The following INPP5B variants were observed in gnomAD, a reference collection of about 807,000 sequenced individuals.
INPP5B encodes inositol polyphosphate-5-phosphatase B, also known as type II inositol 1,4,5-trisphosphate 5-phosphatase.
INPP5B carries 90 observed loss-of-function variants against 118.5 expected under a neutral mutation model. The ratio of observed to expected loss-of-function variants is 0.76; its 90% CI spans 0.64 to 0.90. The LOEUF is 0.90. INPP5B is among the 40% of genes least tolerant of loss of function. The probability of loss-of-function intolerance (pLI) is 0.00; values close to 1 mark genes in which losing one functional copy is unlikely to be tolerated. For missense variants in INPP5B, 984 were observed against 1,125.6 expected (o/e 0.87, Z 1.80); for synonymous variants, 385 against 418.9 (o/e 0.92, Z 0.99).
At chr1:37,874,563 C>T (rs934223326) in intron 17 of INPP5B, among the ~76,000 whole-genome samples, 14 of 152,124 alleles carry the variant, frequency 9.2e-5, no homozygotes, top group African/African-American at 2.7e-4. Context: ...TTTGGGAGGC[C>T]GAGACGGGCA....
At chr1:37,889,276 C>A (rs755615314) in intron 9 of INPP5B, among the ~76,000 whole-genome samples, 2 of 152,012 alleles carry the variant, frequency 1.3e-5, no homozygotes, top group Non-Finnish European at 2.9e-5. Context: ...ATCAGGATGG[C>A]GCTCCTTCTT....
In INPP5B at chr1:37,872,960, C is replaced by G; in HGVS notation, c.2157G>C (p.Leu719Phe). The G allele has an allele frequency of 6.2e-7, 1 of 1,614,064 alleles. No individual in the cohort carries two copies. The highest frequency in any genetic ancestry group is 8.5e-7 in the Non-Finnish European group (1 of 1,179,994). ...HTLCYMREPI[L>F]DLPLETISEL... ...CACTAATGGTTTCAAGTGGTAGGTC[C>G]AAGATTGGCTCTCTCATGTAACACA... Residue 719 changes from leucine to phenylalanine, a missense_variant, in exon 19 of 24, where the codon TTG becomes TTC. Leu to Phe is a conservative substitution (Grantham distance 22, BLOSUM62 0). Transcript: ENST00000373024.
At chr1:37,880,657 C>T (rs1186629769) in intron 14 of INPP5B, among the ~76,000 whole-genome samples, 1 of 151,970 alleles carries the variant, frequency 6.6e-6, no homozygotes, top group East Asian at 1.9e-4. Flanking sequence ...AGGCTGGTCT[C>T]GAACTCCTGA....
chr1:37,883,128 A>C (rs931561220), intron 13 of INPP5B: 2 of 985,330 alleles, frequency 2.0e-6, no homozygotes, highest in Non-Finnish European at 2.4e-6. Context: ...AGTTCATTAT[A>C]AACAGCCTTG....
Position 37,891,255 on chromosome 1 carries a change from G to C in INPP5B, c.629+103C>G, listed in dbSNP as rs573750947. ...AAAAAAAAAAAAAGGACACTTCCTAGGCCAGCTACCCTGGGACAACTTACA... is the reference window on the plus strand; with the variant it reads ...AAAAAAAAAAAAAGGACACTTCCTACGCCAGCTACCCTGGGACAACTTACA... On this transcript the variant is annotated intron_variant, in intron 8 of 23. Coordinates refer to ENST00000373024, the MANE Select transcript of INPP5B (RefSeq NM_005540.3). 1.3e-4 allele frequency: 96 copies of C among 713,896 alleles called. No homozygotes were observed. The African/African-American group carries it at 1.6e-3, about 12-fold the overall frequency. 44.2% of individuals were successfully genotyped at this position (713,896 alleles called of 1,614,324 possible). A position where few individuals can be genotyped will look rare whatever the true frequency, so the allele number is the denominator to read the frequency against.
At chr1:37,917,459 G>T (rs1644914610) in intron 7 of INPP5B, among the ~76,000 whole-genome samples, 1 of 150,788 alleles carries the variant, frequency 6.6e-6, no homozygotes, top group African/African-American at 2.4e-5. Flanking sequence ...GAGTAGCTGG[G>T]ATTACAGGCA....
chr1:37,891,316 C>A (rs942684692), intron 8 of INPP5B, 42 bp downstream of exon 8: 1 of 1,440,864 alleles, frequency 6.9e-7, no homozygotes, highest in Non-Finnish European at 9.8e-7. Context: ...GTGAGGAGAA[C>A]CTCAGTCCTA....
chr1:37,883,466 G>A, intron 13 of INPP5B: 2 of 985,430 alleles, frequency 2.0e-6, no homozygotes, highest in Non-Finnish European at 2.4e-6. Context: ...TGTAGAAGGT[G>A]TTTGATTCCT....
chr1:37,867,938 C>T lies in INPP5B; in HGVS notation c.2301+563G>A, dbSNP rs75719767. ...GAGAGGCCTCCAGGCAGCTTTCTGG[C>T]AGGGGGACCCCAGAGGCCATGGGAA... On this transcript the variant is annotated intron_variant, in intron 20 of 23. Transcript: ENST00000373024. 5.4e-3 allele frequency among the ~76,000 whole-genome samples: 827 copies of T among 152,260 alleles called. 5 individuals carry two copies. Among genetic ancestry groups the T allele is most frequent in the African/African-American group, 0.019 (800 of 41,548 alleles).
chr1:37,881,680 G>A (rs756589753), intron 14 of INPP5B, among the ~76,000 whole-genome samples: 79 of 152,324 alleles, frequency 5.2e-4, no homozygotes, highest in Non-Finnish European at 9.4e-4. Flanking sequence ...AAGAAGGCAA[G>A]TAGAGATGGG....
chr1:37,896,408 T>C (rs1331428162), intron 7 of INPP5B, among the ~76,000 whole-genome samples: 1 of 149,636 alleles, frequency 6.7e-6, no homozygotes, highest in Admixed American at 6.6e-5. Flanking sequence ...AGCCACCTCG[T>C]CCGGGAGGGA....
chr1:37,889,089 C>A (rs1010058446), intron 9 of INPP5B, among the ~76,000 whole-genome samples: 2 of 152,060 alleles, frequency 1.3e-5, no homozygotes, highest in Non-Finnish European at 2.9e-5. Context: ...CCTGTCTCTA[C>A]AAAAATTTAA....
At chr1:37,866,326 T>C in intron 21 of INPP5B, 133 bp downstream of exon 21, 1 of 601,220 alleles carries the variant, frequency 1.7e-6, no homozygotes, top group Non-Finnish European at 3.0e-6. Context: ...TAGCTGAGGA[T>C]ACAATATCAG....
At chr1:37,909,915 G>C (rs960343183) in intron 7 of INPP5B, among the ~76,000 whole-genome samples, 1 of 152,168 alleles carries the variant, frequency 6.6e-6, no homozygotes, top group Non-Finnish European at 1.5e-5. Context: ...GCCTCCCCAG[G>C]ATCTTGCTTC....
At chr1:37,934,376 G>A (rs1645608485) in intron 6 of INPP5B, among the ~76,000 whole-genome samples, 1 of 152,074 alleles carries the variant, frequency 6.6e-6, no homozygotes. Context: ...CATTGTCTCG[G>A]TATCTAGAAA....
intron 7 of INPP5B, among the ~76,000 whole-genome samples, chr1:37,922,266 G>A (rs1405065460): frequency 6.6e-6 from 1 of 152,062 alleles, no homozygotes; most frequent in Non-Finnish European, 1.5e-5. Flanking sequence ...GCACATGTCT[G>A]TAGTCCCAGC....
At chr1:37,863,962 G>A (rs1311747864) in intron 23 of INPP5B, among the ~76,000 whole-genome samples, 1 of 151,628 alleles carries the variant, frequency 6.6e-6, no homozygotes, top group Middle Eastern at 3.4e-3. Flanking sequence ...TTACAGGCAT[G>A]CACCACCACA....
chr1:37,941,773 C>G (rs1394253641), intron 5 of INPP5B, among the ~76,000 whole-genome samples: 1 of 141,960 alleles, frequency 7.0e-6, no homozygotes, highest in Non-Finnish European at 1.5e-5. Flanking sequence ...CCCGTCTCTA[C>G]TAAAAATACA....
intron 16 of INPP5B, among the ~76,000 whole-genome samples, chr1:37,877,132 C>T (rs1250161264): frequency 1.3e-5 from 2 of 151,322 alleles, no homozygotes; most frequent in African/African-American, 4.9e-5. Context: ...TTTGGGAGGC[C>T]GAGTCAGGTG....
Sources: gnomAD v4.1 joint callset for allele counts (sites outside exome capture counted in the v4.1 genomes callset) on GRCh38, gnomAD v4.1.1 for gene constraint, MANE v1.5 for transcripts, NCBI Gene and HGNC (gene_info 2026-07-23, HGNC 2026-07-21) for gene names.